C5: variants seen among roughly 807,000 people sequenced by gnomAD.
C5 encodes the protein complement C5, also known as C3 and PZP-like alpha-2-macroglobulin domain-containing protein 4.
Under a neutral mutation model 218.8 loss-of-function variants are expected in C5, and 140 were observed. That is an observed-to-expected ratio of 0.64 (90% CI 0.56 to 0.74). The LOEUF is 0.74. Among genes scored for constraint, C5 ranks in the 30% least tolerant of loss-of-function variants. C5 has a pLI of 0.00. For synonymous variants in C5, 614 were observed against 682.3 expected (o/e 0.90, Z 1.56); for missense variants, 1,700 against 1,969.6 (o/e 0.86, Z 2.59).
chr9:121,047,145 A>G (rs2047634505), intron 1 of C5, among the ~76,000 whole-genome samples: 1 of 152,286 alleles, frequency 6.6e-6, no homozygotes, highest in East Asian at 1.9e-4. Flanking sequence ...GCTCTTGTTA[A>G]TTTTTACAAT....
chr9:121,030,934 T>G (rs1052772490), intron 6 of C5, among the ~76,000 whole-genome samples: 4 of 151,942 alleles, frequency 2.6e-5, no homozygotes, highest in Admixed American at 6.6e-5. Context: ...TTGATGAGAG[T>G]GGCTACAGAC....
rs1276373120 is a variant in C5, at chr9:120,952,347, C to T, written c.*392G>A. 3.6e-6 allele frequency: 1 copy of T among 274,868 alleles called. No individual in the cohort carries two copies. The allele number at this position is 274,868 out of a possible 1,614,324, so 17.0% of individuals were successfully genotyped here. A position where few individuals can be genotyped will look rare whatever the true frequency, so the allele number is the denominator to read the frequency against. The stretch of plus-strand genomic sequence containing the variant: ...CTTTTTAGCACAGTTTGAAAGCAAA[C>T]TCAGGCTTTAATGATCAGTTTCCTG... On this transcript the variant is annotated 3_prime_UTR_variant, in exon 41 of 41. Transcript: ENST00000223642.
chr9:121,070,706 G>A, the C5 span, among the ~76,000 whole-genome samples: 1 of 151,616 alleles, frequency 6.6e-6, no homozygotes, highest in Non-Finnish European at 1.5e-5. Flanking sequence ...GTAGAACAGA[G>A]GATACTAAAG....
At chr9:120,964,686 GTTTTGT>G (rs146297819) in intron 33 of C5, among the ~76,000 whole-genome samples, 165 of 152,296 alleles carry the variant, frequency 1.1e-3, no homozygotes, top group African/African-American at 3.6e-3. Context: ...CAATGGGAGG[GTTTTGT>G]TTTTGTTTTT....
upstream of C5, among the ~76,000 whole-genome samples, chr9:121,053,145 G>A (rs1218260173): frequency 6.6e-6 from 1 of 152,176 alleles, no homozygotes; most frequent in African/African-American, 2.4e-5. Context: ...GAGGCCAGTG[G>A]AGAAACAGAG....
rs2047660321 is a variant in C5, at chr9:121,050,101, T to C, written c.65+81A>G. Reference sequence around the variant, plus strand: ...TCAGAAGTAGCAAGTTATTTTCAAGTTAACAGAATCTGTTAAATTTAACTC... The same window carrying C: ...TCAGAAGTAGCAAGTTATTTTCAAGCTAACAGAATCTGTTAAATTTAACTC... On this transcript the variant is annotated intron_variant, in intron 1 of 40. Transcript: ENST00000223642. 6.2e-6 allele frequency: 7 copies of C among 1,128,292 alleles called. No homozygotes were observed. The Admixed American group carries it at 1.0e-4, about 16-fold the overall frequency. 69.9% of individuals were successfully genotyped at this position (1,128,292 alleles called of 1,614,324 possible).
At chr9:120,997,011 T>C (rs1400780411) in intron 21 of C5, among the ~76,000 whole-genome samples, 1 of 152,110 alleles carries the variant, frequency 6.6e-6, no homozygotes, top group Non-Finnish European at 1.5e-5. Context: ...TAAATTGTAC[T>C]TAACAAATTA....
At chr9:121,015,110 A>G (rs1233127264) in intron 16 of C5, 89 bp downstream of exon 16, 15 of 816,628 alleles carry the variant, frequency 1.8e-5, no homozygotes, top group Non-Finnish European at 2.7e-5. Context: ...TTTTATTTCA[A>G]TTAGGGGAAT....
chr9:121,033,077 C>T (rs974675282), intron 5 of C5, among the ~76,000 whole-genome samples: 4 of 150,948 alleles, frequency 2.6e-5, no homozygotes, highest in Non-Finnish European at 4.4e-5. Flanking sequence ...CATATATATA[C>T]ACACACACAC....
chr9:121,007,011 G>GTATTT, intron 18 of C5, 34 bp from the exon 19 acceptor site: 2 of 1,481,162 alleles, frequency 1.4e-6, no homozygotes, highest in Non-Finnish European at 9.4e-7. Context: ...CAAATACAGT[G>GTATTT]GAATATTGAT....
rs1348201488 is a variant in C5, at chr9:121,025,453, C to G, written c.1000+1G>C. ...ACACACACACACACACACACACTTA[C>G]CTGTAGACTCTATGACTGTTACAGC... On this transcript the variant is annotated splice_donor_variant, in intron 9 of 40. Transcript: ENST00000223642. LOFTEE classifies it high-confidence loss of function. 1 of 1,604,134 alleles carries G rather than the reference C, an allele frequency of 6.2e-7. No homozygotes were observed. Among genetic ancestry groups the G allele is most frequent in the Admixed American group, 1.7e-5 (1 of 59,196 alleles).
chr9:120,996,373 C>G, intron 21 of C5, 73 bp from the exon 22 acceptor site: 1 of 1,309,716 alleles, frequency 7.6e-7, no homozygotes, highest in Non-Finnish European at 1.1e-6. Context: ...ATCAACTTTT[C>G]TGGACCACTT....
At chr9:121,021,817 A>AT (rs1167379376) in intron 10 of C5, 123 bp from the exon 11 acceptor site, 25 of 971,760 alleles carry the variant, frequency 2.6e-5, no homozygotes, top group Non-Finnish European at 3.7e-5. Flanking sequence ...TTTTCTGAAA[A>AT]TTTTTTTTCT....
intron 39 of C5, chr9:120,956,985 T>C (rs76269695): frequency 2.8e-6 from 1 of 352,378 alleles, no homozygotes; most frequent in African/African-American, 2.1e-5. Flanking sequence ...AATTTACCCA[T>C]GTAGCAAATT....
At chr9:121,052,318 G>A (rs2047676219), upstream of C5, among the ~76,000 whole-genome samples, 2 of 151,982 alleles carry the variant, frequency 1.3e-5, no homozygotes, top group East Asian at 1.9e-4. Context: ...TTAGCCAGGC[G>A]TGGTGGCGGG....
the C5 span, among the ~76,000 whole-genome samples, chr9:121,070,717 G>A: frequency 1.7e-4 from 26 of 151,918 alleles, no homozygotes; most frequent in Non-Finnish European, 2.6e-4. Flanking sequence ...GATACTAAAG[G>A]TTGGGAAGGG....
intron 20 of C5, among the ~76,000 whole-genome samples, chr9:121,002,525 C>G (rs1240491393): frequency 6.6e-6 from 1 of 151,352 alleles, no homozygotes; most frequent in Non-Finnish European, 1.5e-5. Context: ...AGAGTGACAC[C>G]TCCTTAATCA....
chr9:121,053,293 C>T (rs1188910403), upstream of C5, among the ~76,000 whole-genome samples: 2 of 152,212 alleles, frequency 1.3e-5, no homozygotes. Flanking sequence ...TGCTTTTTGG[C>T]TCAAGCCCGC....
the C5 span, among the ~76,000 whole-genome samples, chr9:121,070,384 GATATATATATATATATATATATAT>G: frequency 2.9e-3 from 211 of 72,896 alleles, 4 homozygotes; most frequent in African/African-American, 4.7e-3. Flanking sequence ...AAGGAAGGGT[GATATATATATATATATATATATAT>G]ATATATATAT....
Sources: gnomAD v4.1 joint callset for allele counts (sites outside exome capture counted in the v4.1 genomes callset) on GRCh38, gnomAD v4.1.1 for gene constraint, MANE v1.5 for transcripts, NCBI Gene and HGNC (gene_info 2026-07-23, HGNC 2026-07-21) for gene names.